MACROH2A1: variants seen among roughly 807,000 people sequenced by gnomAD.
MACROH2A1 encodes macroH2A.1 histone.
A neutral mutation model predicts 31.6 loss-of-function variants in MACROH2A1; 2 were observed. The observed-to-expected ratio is 0.06, with a 90% CI of 0.03 to 0.20. The LOEUF is 0.20. Ranked by LOEUF, MACROH2A1 falls within the 10% of genes least tolerant of loss-of-function variation. MACROH2A1 has a pLI of 1.00. For synonymous variants in MACROH2A1, 169 were observed against 189.6 expected, an observed-to-expected ratio of 0.89 and a Z score of 0.89; for missense variants, 230 against 474.0, an observed-to-expected ratio of 0.49 and a Z score of 4.78.
At chr5:135,374,489 C>T (rs1050810571) in intron 2 of MACROH2A1, among the ~76,000 whole-genome samples, 3 of 152,168 alleles carry the variant, frequency 2.0e-5, no homozygotes, top group Non-Finnish European at 2.9e-5. Flanking sequence ...TGCCTGCCTG[C>T]CCCCCATGCA....
intron 8 of MACROH2A1, among the ~76,000 whole-genome samples, chr5:135,340,844 C>CTGTT (rs1581128591): frequency 6.6e-6 from 1 of 152,230 alleles, no homozygotes; most frequent in African/African-American, 2.4e-5. Context: ...GAGAGGGCAG[C>CTGTT]TGTTTACACA....
At chr5:135,338,542 A>C (rs949507864) in intron 8 of MACROH2A1, among the ~76,000 whole-genome samples, 4 of 152,210 alleles carry the variant, frequency 2.6e-5, no homozygotes, top group Non-Finnish European at 4.4e-5. Flanking sequence ...ACACGGTGCT[A>C]ACAATGTTGG....
intron 5 of MACROH2A1, chr5:135,356,554 T>C (rs3776208): frequency 0.3 from 45,614 of 152,126 alleles, 9,495 homozygotes; most frequent in African/African-American, 0.59. Context: ...CTGCCCCTGC[T>C]TGCTTTCCTT....
chr5:135,371,365 TATGTA>T (rs1370334023), intron 2 of MACROH2A1, among the ~76,000 whole-genome samples: 1 of 152,240 alleles, frequency 6.6e-6, no homozygotes, highest in Admixed American at 6.5e-5. Context: ...AGGAAACAAA[TATGTA>T]AGGTGATGAA....
At chr5:135,391,173 T>C (rs1767186314) in intron 1 of MACROH2A1, among the ~76,000 whole-genome samples, 1 of 152,254 alleles carries the variant, frequency 6.6e-6, no homozygotes, top group Non-Finnish European at 1.5e-5. Flanking sequence ...TGCCTGTGTT[T>C]TCAGGCAAGG....
At chr5:135,392,150 T>C (rs1451459598) in intron 1 of MACROH2A1, among the ~76,000 whole-genome samples, 1 of 152,216 alleles carries the variant, frequency 6.6e-6, no homozygotes, top group African/African-American at 2.4e-5. Context: ...AGCCTCCCTC[T>C]GCCATGGAGG....
intron 2 of MACROH2A1, among the ~76,000 whole-genome samples, chr5:135,378,345 G>A (rs1191665924): frequency 6.6e-6 from 1 of 152,190 alleles, no homozygotes; most frequent in Non-Finnish European, 1.5e-5. Flanking sequence ...CCCCTCCTGT[G>A]CTCACACCCA....
chr5:135,382,309 T>G (rs1765763163), intron 2 of MACROH2A1, among the ~76,000 whole-genome samples: 1 of 152,234 alleles, frequency 6.6e-6, no homozygotes, highest in Admixed American at 6.5e-5. Flanking sequence ...AACAGTTGCA[T>G]TTTGCCCTTC....
chr5:135,351,605 T>C (rs1761579131), intron 6 of MACROH2A1: 1 of 135,278 alleles, frequency 7.4e-6, no homozygotes, highest in African/African-American at 2.8e-5. Context: ...TGCTGTTGCC[T>C]AGGCTGGAGT....
chr5:135,336,646 A>G (rs1410596827), intron 8 of MACROH2A1, among the ~76,000 whole-genome samples: 2 of 147,496 alleles, frequency 1.4e-5, no homozygotes, highest in Admixed American at 6.6e-5. Context: ...TCTAGACTAG[A>G]CTAACAGGTG....
chr5:135,395,421 T>A (rs761206635), intron 1 of MACROH2A1, among the ~76,000 whole-genome samples: 8 of 151,830 alleles, frequency 5.3e-5, no homozygotes, highest in Non-Finnish European at 1.2e-4. Flanking sequence ...GATAGAGGAG[T>A]CTGAGCTATC....
chr5:135,343,545 A>T (rs1421110360), intron 7 of MACROH2A1, 111 bp from the exon 8 acceptor site: 1 of 1,499,826 alleles, frequency 6.7e-7, no homozygotes, highest in East Asian at 2.3e-5. Context: ...GGGCCCTCCA[A>T]TGCCCTGTGT....
chr5:135,339,843 C>T (rs1260251392), intron 8 of MACROH2A1, among the ~76,000 whole-genome samples: 1 of 152,224 alleles, frequency 6.6e-6, no homozygotes, highest in Non-Finnish European at 1.5e-5. Flanking sequence ...TGAGCTGTGC[C>T]CCCTGCAGCT....
intron 6 of MACROH2A1, among the ~76,000 whole-genome samples, chr5:135,348,869 G>A (rs1375622314): frequency 6.6e-6 from 1 of 152,202 alleles, no homozygotes; most frequent in Non-Finnish European, 1.5e-5. Flanking sequence ...GATTGCTCCT[G>A]TGGCTTGGAA....
At position 135,343,380 on chromosome 5, in the gene MACROH2A1, C is replaced by G; in HGVS notation, c.833G>C (p.Ser278Thr). The change falls in exon 8 of 9, where the codon AGT becomes ACT. Residue 278 changes from serine (S) to threonine (T), a missense_variant. This residue lies in a region of MACROH2A1 where 183 missense variants were observed against 319.3 expected (regional missense o/e 0.57). Transcript: ENST00000511689. ...LPAKFVIHCNSPVWGADKCEE... is the reference protein window; with the variant it reads ...LPAKFVIHCNTPVWGADKCEE... ...ACACTTGTCTGCACCCCAAACTGGACTATTACAGTGGATCACAAACTTGGC... is the reference window on the plus strand; with the variant it reads ...ACACTTGTCTGCACCCCAAACTGGAGTATTACAGTGGATCACAAACTTGGC... 4 of 1,614,248 alleles carry G rather than the reference C, an allele frequency of 2.5e-6. No individual in the cohort carries two copies. The highest frequency in any genetic ancestry group is 3.4e-6 in the Non-Finnish European group (4 of 1,180,046).
At chr5:135,357,369 T>A (rs553033784) in intron 5 of MACROH2A1, 1 of 152,290 alleles carries the variant, frequency 6.6e-6, no homozygotes, top group South Asian at 2.1e-4. Flanking sequence ...TGCTTCAACT[T>A]CAAGAGCTCC....
chr5:135,350,601 C>T (rs1018057195), intron 6 of MACROH2A1: 3 of 471,940 alleles, frequency 6.4e-6, no homozygotes, highest in Non-Finnish European at 1.1e-5. Context: ...GTTTTCAAAC[C>T]AGAAATGTCC....
intron 2 of MACROH2A1, among the ~76,000 whole-genome samples, chr5:135,376,140 G>A (rs1218900777): frequency 1.3e-5 from 2 of 152,108 alleles, no homozygotes; most frequent in African/African-American, 4.8e-5. Flanking sequence ...GAATTCCATA[G>A]AGAAAATAAA....
intron 6 of MACROH2A1, 176 bp from the exon 7 acceptor site, chr5:135,346,233 C>T: frequency 1.7e-6 from 1 of 604,548 alleles, no homozygotes; most frequent in Non-Finnish European, 3.0e-6. Context: ...GCTTTGTCAT[C>T]ACCAGTTACT....
Sources: gnomAD v4.1 joint callset for allele counts (sites outside exome capture counted in the v4.1 genomes callset) on GRCh38, gnomAD v4.1.1 for gene constraint, gnomAD v4.1.1 regional missense constraint, MANE v1.5 for transcripts, NCBI Gene and HGNC (gene_info 2026-07-23, HGNC 2026-07-21) for gene names.